PRAMEF19: variants seen among roughly 807,000 people sequenced by gnomAD.
The protein encoded by PRAMEF19 is PRAME family member 19.
Under a neutral mutation model 33.1 loss-of-function variants are expected in PRAMEF19, and 21 were observed. The observed-to-expected ratio is 0.63, with a 90% CI of 0.45 to 0.91. The LOEUF is 0.91. PRAMEF19 is among the 40% of genes least tolerant of loss of function. PRAMEF19 has a pLI of 0.00. For synonymous variants in PRAMEF19, 179 were observed against 229.3 expected (o/e 0.78, Z 1.98); for missense variants, 481 against 585.2 (o/e 0.82, Z 1.84).
At chr1:13,371,592 C>T in intron 1 of PRAMEF19, 22 bp downstream of exon 1, 1 of 1,610,912 alleles carries the variant, frequency 6.2e-7, no homozygotes, top group South Asian at 1.1e-5. Context: ...CACCTGGGCC[C>T]TCCCCACCTG....
At chr1:13,371,034 C>G (rs1640665093) in exon 2 of PRAMEF19, 2 of 1,612,032 alleles carry the variant, frequency 1.2e-6, no homozygotes, top group Admixed American at 3.3e-5. Flanking sequence ...AGATCTTCAT[C>G]CACGGATTTT....
At chr1:13,371,742 C>A (rs1640675128) in exon 1 of PRAMEF19, 1 of 1,610,090 alleles carries the variant, frequency 6.2e-7, no homozygotes, top group South Asian at 1.1e-5. Context: ...GCACCATCAC[C>A]TTCAGAACCT....
downstream of PRAMEF19, among the ~76,000 whole-genome samples, chr1:13,368,759 GT>G (rs1233157752): frequency 3.3e-5 from 5 of 151,714 alleles, no homozygotes; most frequent in African/African-American, 1.2e-4. Flanking sequence ...GTTTTTTTGT[GT>G]TTTTTTTCCC....
chr1:13,370,228 T>A (rs1250134762), intron 2 of PRAMEF19, among the ~76,000 whole-genome samples: 1 of 152,278 alleles, frequency 6.6e-6, no homozygotes, highest in Non-Finnish European at 1.5e-5. Flanking sequence ...TTTGGTGCAC[T>A]TTCTCTTCTT....
Position 13,370,836 on chromosome 1 carries a change from AACGGCTAACCTCTGCTACCATAC to A in PRAMEF19, c.656_678del (p.Cys219LeufsTer24). 1 of 1,613,960 alleles carries A rather than the reference AACGGCTAACCTCTGCTACCATAC, an allele frequency of 6.2e-7. No homozygotes were observed. Among genetic ancestry groups the A allele is most frequent in the African/African-American group, 1.3e-5 (1 of 75,032 alleles). On this transcript the variant is annotated frameshift_variant, in exon 2 of 3. Transcript: ENST00000376101. LOFTEE classifies it high-confidence loss of function. ...CGAAGATTCTTCATCTGGCTCAGGT[AACGGCTAACCTCTGCTACCATAC>A]ACGGCCAGCACATGTTCCAAATTTC...
rs1380870870 is a variant in PRAMEF19, at chr1:13,369,625, C to T, written c.882G>A (p.Pro294=). The change falls in exon 3 of 3, where the codon CCG becomes CCA. Residue 294 remains proline (P), a synonymous_variant. Coordinates refer to ENST00000376101, the Ensembl canonical transcript of PRAMEF19. The stretch of plus-strand genomic sequence containing the variant: ...CATAAGTTAATGCCAATGTCTCCAA[C>T]GGGCTCTTGAGGCACCTGGGGAGAG... 1.4e-4 allele frequency: 231 copies of T among 1,613,544 alleles called. 1 individual carries two copies. Among genetic ancestry groups the T allele is most frequent in the Admixed American group, 6.2e-4 (37 of 59,976 alleles).
rs1356030669 is a variant in PRAMEF19 at position 13,371,650 on chromosome 1, C to T, written c.251G>A (p.Gly84Glu). The change falls in exon 1 of 3, where the codon GGG (glycine) becomes GAG (glutamate). Residue 84 changes from glycine (G) to glutamate (E), a missense_variant. Around this residue, in one of 3 missense-constraint regions of PRAMEF19, gnomAD observed 77 missense variants for 116.4 expected, o/e 0.66. Coordinates refer to ENST00000376101, the Ensembl canonical transcript of PRAMEF19. Reference sequence around the variant, plus strand: ...CTTTTGGGCAAGCAGGCAATCAATCCCATCCACTACATAATGTAAGATCTC... The same window carrying T: ...CTTTTGGGCAAGCAGGCAATCAATCTCATCCACTACATAATGTAAGATCTC... 4 of 1,610,616 alleles carry T rather than the reference C, an allele frequency of 2.5e-6. No homozygotes were observed. The African/African-American group carries it at 4.0e-5, about 16-fold the overall frequency.
downstream of PRAMEF19, among the ~76,000 whole-genome samples, chr1:13,368,689 A>G (rs1177040029): frequency 6.6e-6 from 1 of 152,220 alleles, no homozygotes; most frequent in Non-Finnish European, 1.5e-5. Context: ...TGTCTAGGAC[A>G]CAGATCCCTG....
intron 2 of PRAMEF19, 35 bp downstream of exon 2, chr1:13,370,614 G>T (rs1413207241): frequency 6.2e-7 from 1 of 1,610,182 alleles, no homozygotes; most frequent in African/African-American, 1.3e-5. Context: ...AGGCTGTGCT[G>T]TGTCCCCCAG....
intron 1 of PRAMEF19, 97 bp from the exon 2 acceptor site, chr1:13,371,324 C>G (rs2100384912): frequency 6.3e-7 from 1 of 1,596,258 alleles, no homozygotes; most frequent in Admixed American, 1.7e-5. Context: ...TGCTTTTTTC[C>G]TCAGCGCCCC....
At chr1:13,370,059 G>A (rs1432736819) in intron 2 of PRAMEF19, among the ~76,000 whole-genome samples, 1 of 151,976 alleles carries the variant, frequency 6.6e-6, no homozygotes, top group East Asian at 1.9e-4. Context: ...TACCACTCTC[G>A]TGCCTACTCC....
chr1:13,369,044 A>G, downstream of PRAMEF19: 1 of 1,611,970 alleles, frequency 6.2e-7, no homozygotes, highest in Non-Finnish European at 8.5e-7. Context: ...CCTGGAGAAA[A>G]AGCTTTTTAT....
intron 2 of PRAMEF19, among the ~76,000 whole-genome samples, chr1:13,370,333 T>C (rs1410997669): frequency 9.8e-5 from 15 of 152,300 alleles, no homozygotes; most frequent in African/African-American, 2.4e-4. Context: ...ACTTATCATA[T>C]TAACTTTAAA....
At chr1:13,368,738 C>T (rs1640630111), downstream of PRAMEF19, among the ~76,000 whole-genome samples, 1 of 152,142 alleles carries the variant, frequency 6.6e-6, no homozygotes, top group South Asian at 2.1e-4. Context: ...CCCAGTGCTG[C>T]CCCCTGCTGG....
At chr1:13,368,836 CG>C (rs1259715870), downstream of PRAMEF19, among the ~76,000 whole-genome samples, 1 of 152,062 alleles carries the variant, frequency 6.6e-6, no homozygotes, top group Non-Finnish European at 1.5e-5. Flanking sequence ...CCTATAGACC[CG>C]GCACAGCTGC....
At chr1:13,371,823 G>C in exon 1 of PRAMEF19, 1 of 1,611,972 alleles carries the variant, frequency 6.2e-7, no homozygotes, top group Non-Finnish European at 8.5e-7. Context: ...CATCCAGGAC[G>C]GAGATGGCCA....
At chr1:13,370,926 T>C (rs1640663749) in exon 2 of PRAMEF19, 2 of 1,613,770 alleles carry the variant, frequency 1.2e-6, no homozygotes, top group East Asian at 2.2e-5. Context: ...TCTAATATGT[T>C]TCTGAAATTT....
downstream of PRAMEF19, chr1:13,369,033 G>A (rs2100379314): frequency 1.2e-6 from 2 of 1,611,654 alleles, no homozygotes; most frequent in East Asian, 2.2e-5. Context: ...GTTTCCAAGT[G>A]CCTGGAGAAA....
chr1:13,369,449 G>A, exon 3 of PRAMEF19: 1 of 1,613,948 alleles, frequency 6.2e-7, no homozygotes, highest in Non-Finnish European at 8.5e-7. Flanking sequence ...TAAGAAGAGG[G>A]TCTGAAGAGT....
Sources: allele counts gnomAD v4.1 joint callset (sites outside exome capture counted in the v4.1 genomes callset), GRCh38; gene constraint gnomAD v4.1.1; regional missense constraint gnomAD v4.1.1; transcripts MANE v1.5; gene names NCBI Gene and HGNC (gene_info 2026-07-23, HGNC 2026-07-21).